SH3RF3: variants seen among roughly 807,000 people sequenced by gnomAD.
The protein encoded by SH3RF3 is SH3 domain containing ring finger 3, also known as E3 ubiquitin-protein ligase SH3RF3.
In SH3RF3, 29 loss-of-function variants were observed where a neutral mutation model predicts 66.3. The observed-to-expected ratio is 0.44, with a 90% CI of 0.33 to 0.60. SH3RF3 has a LOEUF of 0.60. Ranked by LOEUF, SH3RF3 falls within the 20% of genes least tolerant of loss-of-function variation. SH3RF3 has a pLI of 0.04. For synonymous variants in SH3RF3, 583 were observed against 532.0 expected (o/e 1.10, Z -1.32); for missense variants, 1,194 against 1,190.9 (o/e 1.00, Z -0.04).
intron 1 of SH3RF3, among the ~76,000 whole-genome samples, chr2:109,181,771 C>A (rs996646682): frequency 9.2e-5 from 14 of 152,160 alleles, no homozygotes; most frequent in African/African-American, 3.4e-4. Flanking sequence ...TGTCTCCCTG[C>A]CTTTTTCTTG....
chr2:109,485,869 C>T (rs755295224), intron 8 of SH3RF3, among the ~76,000 whole-genome samples: 20 of 152,258 alleles, frequency 1.3e-4, no homozygotes, highest in East Asian at 5.8e-4. Flanking sequence ...ACAGCCTCAT[C>T]GCAAGCCTCC....
intron 1 of SH3RF3, among the ~76,000 whole-genome samples, chr2:109,229,357 A>G (rs1679445327): frequency 6.6e-6 from 1 of 152,156 alleles, no homozygotes; most frequent in Non-Finnish European, 1.5e-5. Flanking sequence ...CATTAACATG[A>G]TAGTTCTCCA....
chr2:109,450,679 G>C (rs552684010), intron 8 of SH3RF3, among the ~76,000 whole-genome samples: 6 of 152,034 alleles, frequency 3.9e-5, no homozygotes, highest in African/African-American at 1.4e-4. Context: ...TTTACGTGAA[G>C]TTTTTGGAAG....
intron 1 of SH3RF3, among the ~76,000 whole-genome samples, chr2:109,170,283 TC>T (rs1677740577): frequency 7.6e-6 from 1 of 131,158 alleles, no homozygotes; most frequent in African/African-American, 2.8e-5. Context: ...TCTTCTCTTC[TC>T]TTCTCTTCTC....
intron 1 of SH3RF3, among the ~76,000 whole-genome samples, chr2:109,147,212 C>G (rs551630065): frequency 2.0e-5 from 3 of 152,252 alleles, no homozygotes; most frequent in Admixed American, 2.0e-4. Flanking sequence ...CCTGGACTTT[C>G]TTGGAATTAC....
At chr2:109,299,225 CCTG>C (rs1397008047) in intron 1 of SH3RF3, among the ~76,000 whole-genome samples, 1 of 152,254 alleles carries the variant, frequency 6.6e-6, no homozygotes, top group African/African-American at 2.4e-5. Flanking sequence ...CCAAGGACTG[CCTG>C]CTGCTTTCTC....
At chr2:109,265,005 A>C (rs1460547277) in intron 1 of SH3RF3, among the ~76,000 whole-genome samples, 1 of 152,202 alleles carries the variant, frequency 6.6e-6, no homozygotes, top group Admixed American at 6.5e-5. Flanking sequence ...TCTGTCTTAG[A>C]GGCATCATCA....
intron 1 of SH3RF3, among the ~76,000 whole-genome samples, chr2:109,343,365 CTT>C (rs140700510): frequency 6.6e-6 from 1 of 150,630 alleles, no homozygotes; most frequent in African/African-American, 2.4e-5. Context: ...TTCCTTGACT[CTT>C]TTTTTTTTCT....
chr2:109,439,626 C>T (rs1034214410), intron 7 of SH3RF3, among the ~76,000 whole-genome samples: 8 of 152,124 alleles, frequency 5.3e-5, no homozygotes, highest in African/African-American at 1.4e-4. Flanking sequence ...TAATGTAACT[C>T]CTTTCCCAAA....
intron 1 of SH3RF3, among the ~76,000 whole-genome samples, chr2:109,137,000 G>C (rs914873906): frequency 7.2e-5 from 11 of 152,312 alleles, no homozygotes; most frequent in Admixed American, 1.3e-4. Flanking sequence ...TTAAGTACCT[G>C]CTGTGTACCA....
intron 1 of SH3RF3, among the ~76,000 whole-genome samples, chr2:109,255,232 A>G (rs1680195224): frequency 6.6e-6 from 1 of 152,320 alleles, no homozygotes; most frequent in East Asian, 1.9e-4. Context: ...GCTTCGGAAT[A>G]GTGCATCTAG....
chr2:109,468,001 G>T (rs1678404187), intron 8 of SH3RF3, among the ~76,000 whole-genome samples: 1 of 152,206 alleles, frequency 6.6e-6, no homozygotes, highest in Admixed American at 6.5e-5. Context: ...CCTCAGAGCG[G>T]AAAACATTTC....
intron 1 of SH3RF3, among the ~76,000 whole-genome samples, chr2:109,215,045 A>G (rs1679075857): frequency 6.6e-6 from 1 of 152,230 alleles, no homozygotes; most frequent in African/African-American, 2.4e-5. Flanking sequence ...ACTTCTAACC[A>G]GTAAAGCTGT....
At chr2:109,250,560 A>G (rs1680064345) in intron 1 of SH3RF3, among the ~76,000 whole-genome samples, 1 of 152,040 alleles carries the variant, frequency 6.6e-6, no homozygotes, top group African/African-American at 2.4e-5. Flanking sequence ...CTTTTTCAAA[A>G]CATGATAAAT....
intron 1 of SH3RF3, among the ~76,000 whole-genome samples, chr2:109,232,970 C>T (rs759567600): frequency 5.9e-5 from 9 of 152,128 alleles, no homozygotes; most frequent in Admixed American, 1.3e-4. Context: ...GTGAGACTTG[C>T]GATAGGGGTG....
intron 1 of SH3RF3, among the ~76,000 whole-genome samples, chr2:109,138,307 G>A (rs1676860937): frequency 2.0e-5 from 3 of 152,200 alleles, no homozygotes; most frequent in Admixed American, 2.0e-4. Flanking sequence ...GATTACAGGT[G>A]TCAGCCACTT....
chr2:109,231,741 C>T (rs991694615), intron 1 of SH3RF3, among the ~76,000 whole-genome samples: 8 of 152,214 alleles, frequency 5.3e-5, no homozygotes, highest in African/African-American at 1.4e-4. Context: ...AAAGAGACTA[C>T]AGAGCATTTG....
chr2:109,249,444 G>C (rs1166223989), intron 1 of SH3RF3, among the ~76,000 whole-genome samples: 1 of 149,918 alleles, frequency 6.7e-6, no homozygotes, highest in Non-Finnish European at 1.5e-5. Flanking sequence ...TCCTGCACCA[G>C]ATCTCTCTCT....
At chr2:109,263,859 C>T (rs568019755) in intron 1 of SH3RF3, among the ~76,000 whole-genome samples, 46 of 152,310 alleles carry the variant, frequency 3.0e-4, no homozygotes, top group African/African-American at 1.1e-3. Context: ...TCCCCAGCTG[C>T]TCGGGAGGCT....
Sources: gnomAD v4.1 joint callset for allele counts (sites outside exome capture counted in the v4.1 genomes callset) on GRCh38, gnomAD v4.1.1 for gene constraint, MANE v1.5 for transcripts, NCBI Gene and HGNC (gene_info 2026-07-23, HGNC 2026-07-21) for gene names.